The following ADAM12 variants were observed in gnomAD, a reference collection of about 807,000 sequenced individuals.
ADAM12 encodes ADAM metallopeptidase domain 12, also known as disintegrin and metalloproteinase domain-containing protein 12.
Under a neutral mutation model 106.4 loss-of-function variants are expected in ADAM12, and 70 were observed. The observed-to-expected ratio is 0.66, with a 90% CI of 0.54 to 0.80. The LOEUF (loss-of-function observed/expected upper bound fraction) is 0.80. Ranked by LOEUF, ADAM12 falls within the 30% of genes least tolerant of loss-of-function variation. The pLI is 0.00. For synonymous variants in ADAM12, 420 were observed against 433.5 expected (o/e 0.97, Z 0.39); for missense variants, 1,010 against 1,171.9 (o/e 0.86, Z 2.02).
At chr10:126,238,143 C>T (rs192760879) in intron 3 of ADAM12, among the ~76,000 whole-genome samples, 144 of 152,260 alleles carry the variant, frequency 9.5e-4, no homozygotes, top group African/African-American at 3.1e-3. Context: ...ACATACATTG[C>T]GTAAAATAAG....
At chr10:126,269,143 G>C (rs576979691) in intron 3 of ADAM12, among the ~76,000 whole-genome samples, 1 of 152,176 alleles carries the variant, frequency 6.6e-6, no homozygotes, top group Non-Finnish European at 1.5e-5. Context: ...TCATGGTGCT[G>C]GTGGGAGGGT....
At chr10:126,087,197 C>A (rs1322462832) in intron 11 of ADAM12, among the ~76,000 whole-genome samples, 1 of 152,126 alleles carries the variant, frequency 6.6e-6, no homozygotes, top group Non-Finnish European at 1.5e-5. Context: ...ACGGGGAGGA[C>A]AATTCTAACT....
intron 5 of ADAM12, among the ~76,000 whole-genome samples, chr10:126,126,431 T>C (rs1367541663): frequency 6.6e-6 from 1 of 152,124 alleles, no homozygotes; most frequent in East Asian, 1.9e-4. Context: ...ACCCAGGGAA[T>C]AGTTTCCTTA....
At chr10:126,259,425 T>G (rs1191415706) in intron 3 of ADAM12, among the ~76,000 whole-genome samples, 4 of 152,102 alleles carry the variant, frequency 2.6e-5, no homozygotes, top group Non-Finnish European at 5.9e-5. Flanking sequence ...AAAGTCTCTT[T>G]TCAATATTTT....
intron 11 of ADAM12, among the ~76,000 whole-genome samples, chr10:126,081,898 T>C (rs903594522): frequency 4.6e-5 from 7 of 152,210 alleles, no homozygotes; most frequent in Non-Finnish European, 1.0e-4. Flanking sequence ...ATGTAGTACT[T>C]GTAGCCAAAA....
intron 3 of ADAM12, among the ~76,000 whole-genome samples, chr10:126,172,897 C>T (rs1291892767): frequency 6.6e-6 from 1 of 152,166 alleles, no homozygotes; most frequent in Non-Finnish European, 1.5e-5. Context: ...GAAAATGTGG[C>T]ACATATACAC....
intron 14 of ADAM12, among the ~76,000 whole-genome samples, chr10:126,060,770 G>T (rs1031667647): frequency 1.5e-4 from 23 of 152,200 alleles, no homozygotes; most frequent in African/African-American, 5.5e-4. Context: ...TATTGTGAAG[G>T]ATTCACATCC....
At position 126,278,938 on chromosome 10, in the gene ADAM12, C is replaced by A; in HGVS notation, c.237G>T (p.Leu79=). 6.2e-7 allele frequency: 1 copy of A among 1,612,106 alleles called. No individual in the cohort carries two copies. The highest frequency in any genetic ancestry group is 8.5e-7 in the Non-Finnish European group (1 of 1,178,582). The part of the protein sequence containing the change: ...NIRLQRESKE[L]IINLERNEGL... ...ACTCATTTCTTTCCAGATTTATGAT[C>A]AGTTCTTTGCTTTCCCGTTGTAGTC... The change falls in exon 3 of 23, where the codon CTG becomes CTT. Residue 79 remains leucine (L), a synonymous_variant. Coordinates refer to ENST00000448723, the MANE Select transcript of ADAM12 (RefSeq NM_001288973.2).
chr10:126,260,604 A>G (rs1958982544), intron 3 of ADAM12, among the ~76,000 whole-genome samples: 1 of 152,246 alleles, frequency 6.6e-6, no homozygotes, highest in Non-Finnish European at 1.5e-5. Flanking sequence ...AGGCCAGTTA[A>G]TTGTTCAGAT....
chr10:126,066,764 T>G lies in ADAM12; in HGVS notation c.1366A>C (p.Lys456Gln). The change falls in exon 13 of 23, where the codon AAG becomes CAG. Residue 456 changes from lysine to glutamine, a missense_variant. By Grantham distance (53) the Lys-to-Gln change is moderately conservative (BLOSUM62 1). Coordinates refer to ENST00000448723, the MANE Select transcript of ADAM12 (RefSeq NM_001288973.2). The surrounding 1 kb of genome is among the most constrained non-coding windows in gnomAD (Gnocchi z 5.1). ...RCCNATTCTL[K>Q]PDAVCAHGLC... Reference sequence around the variant, plus strand: ...CCATGTGCGCACACAGCGTCCGGCTTCAGGGTACAGGTGGTGGCATTGCAG... The same window carrying G: ...CCATGTGCGCACACAGCGTCCGGCTGCAGGGTACAGGTGGTGGCATTGCAG... 1.2e-6 allele frequency: 2 copies of G among 1,614,194 alleles called. No individual in the cohort carries two copies. Among genetic ancestry groups the G allele is most frequent in the East Asian group, 4.5e-5 (2 of 44,884 alleles).
intron 2 of ADAM12, among the ~76,000 whole-genome samples, chr10:126,293,088 A>G (rs115488399): frequency 6.6e-6 from 1 of 152,228 alleles, no homozygotes; most frequent in Non-Finnish European, 1.5e-5. Context: ...CCAGCAACCC[A>G]CAAGGCTCCT....
chr10:126,243,226 T>C (rs954084264), intron 3 of ADAM12, among the ~76,000 whole-genome samples: 3 of 152,332 alleles, frequency 2.0e-5, no homozygotes, highest in African/African-American at 7.2e-5. Flanking sequence ...CTGCCCCAAG[T>C]TGCTGATGCC....
chr10:126,273,434 T>G (rs1485877142), intron 3 of ADAM12: 1 of 151,522 alleles, frequency 6.6e-6, no homozygotes, highest in Admixed American at 6.6e-5. Context: ...GCAGTGAAAA[T>G]AAAAGTTTAA....
At chr10:126,232,670 T>C (rs1958334979) in intron 3 of ADAM12, among the ~76,000 whole-genome samples, 1 of 152,188 alleles carries the variant, frequency 6.6e-6, no homozygotes, top group South Asian at 2.1e-4. Context: ...CAACCTTTCA[T>C]CAGTCTTTTT....
intron 2 of ADAM12, among the ~76,000 whole-genome samples, chr10:126,315,414 A>C (rs1366134899): frequency 1.3e-5 from 2 of 152,126 alleles, no homozygotes; most frequent in Non-Finnish European, 2.9e-5. Context: ...AACCAACAAA[A>C]ATGCATCCAA....
intron 14 of ADAM12, among the ~76,000 whole-genome samples, chr10:126,055,457 A>G (rs545675410): frequency 2.0e-5 from 3 of 152,256 alleles, no homozygotes; most frequent in Admixed American, 6.5e-5. Flanking sequence ...TAATTAAAGT[A>G]TGGTGCTGGA....
intron 8 of ADAM12, among the ~76,000 whole-genome samples, chr10:126,106,285 T>G (rs1955765829): frequency 6.6e-6 from 1 of 152,004 alleles, no homozygotes. Context: ...CATCTCAGCC[T>G]CCTCTGCTTT....
chr10:126,283,294 G>A lies in ADAM12; in HGVS notation c.187-4306C>T, dbSNP rs994584680. Among the ~76,000 whole-genome samples, 3 of 152,110 alleles carry A rather than the reference G, an allele frequency of 2.0e-5. No homozygotes were observed. The East Asian group carries it at 5.8e-4, about 29-fold the overall frequency. On this transcript the variant is annotated intron_variant, in intron 2 of 22. Coordinates refer to ENST00000448723, the MANE Select transcript of ADAM12 (RefSeq NM_001288973.2). The stretch of plus-strand genomic sequence containing the variant: ...ACCTGGTTCCTAGGCTACAGGGGTT[G>A]GGGACCCCTGCCTTGCTGGACAGAT...
chr10:126,302,356 T>C (rs1960661398), intron 2 of ADAM12, among the ~76,000 whole-genome samples: 1 of 152,226 alleles, frequency 6.6e-6, no homozygotes, highest in South Asian at 2.1e-4. Flanking sequence ...GTGTTCCTTT[T>C]GTGTGTGATC....
Sources: allele counts gnomAD v4.1 joint callset (sites outside exome capture counted in the v4.1 genomes callset), GRCh38; gene constraint gnomAD v4.1.1; non-coding constraint Gnocchi (gnomAD v3.1); transcripts MANE v1.5; gene names NCBI Gene and HGNC (gene_info 2026-07-23, HGNC 2026-07-21).